FHIT: variants seen among roughly 807,000 people sequenced by gnomAD.
The protein encoded by FHIT is bis(5'-adenosyl)-triphosphatase.
In FHIT, 19 loss-of-function variants were observed where a neutral mutation model predicts 17.9. That is an observed-to-expected ratio of 1.06 (90% CI 0.74 to 1.56). FHIT has a LOEUF of 1.56. Among genes scored for constraint, FHIT ranks in the 40% most tolerant of loss-of-function variants. The pLI, the probability that FHIT is intolerant of heterozygous loss-of-function variation, is 0.00. For synonymous variants in FHIT, 81 were observed against 69.7 expected (o/e 1.16, Z -0.81); for missense variants, 248 against 189.2 (o/e 1.31, Z -1.82).
At chr3:60,039,682 T>C (rs1270484856) in intron 5 of FHIT, among the ~76,000 whole-genome samples, 1 of 152,214 alleles carries the variant, frequency 6.6e-6, no homozygotes, top group South Asian at 2.1e-4. Flanking sequence ...CAAAAAATAG[T>C]CCTATAAAGT....
At chr3:60,996,543 T>G (rs73102302) in intron 3 of FHIT, among the ~76,000 whole-genome samples, 2 of 152,132 alleles carry the variant, frequency 1.3e-5, no homozygotes, top group Admixed American at 1.3e-4. Context: ...AGGAAAATAA[T>G]GTAACAAGCT....
chr3:61,209,990 G>C (rs992750289), intron 1 of FHIT, among the ~76,000 whole-genome samples: 1 of 152,132 alleles, frequency 6.6e-6, no homozygotes, highest in Non-Finnish European at 1.5e-5. Context: ...ATGGGTTTTT[G>C]GTGTGGATGT....
intron 5 of FHIT, among the ~76,000 whole-genome samples, chr3:60,216,087 A>AG (rs1420091058): frequency 6.6e-6 from 1 of 152,188 alleles, no homozygotes; most frequent in African/African-American, 2.4e-5. Flanking sequence ...CAGTGATCAA[A>AG]GGGGGATCAA....
intron 1 of FHIT, among the ~76,000 whole-genome samples, chr3:61,239,400 T>C (rs1000330379): frequency 3.9e-5 from 6 of 152,122 alleles, no homozygotes; most frequent in African/African-American, 1.4e-4. Context: ...GGCCTTGGTA[T>C]AGGCTATTCC....
chr3:60,881,505 A>G (rs1350282704), intron 3 of FHIT, among the ~76,000 whole-genome samples: 14 of 152,192 alleles, frequency 9.2e-5, no homozygotes, highest in Admixed American at 9.2e-4. Context: ...AGCACATGGA[A>G]CATCCTCAAG....
intron 3 of FHIT, among the ~76,000 whole-genome samples, chr3:60,828,369 C>T (rs150584817): frequency 1.6e-4 from 24 of 152,134 alleles, no homozygotes; most frequent in South Asian, 8.3e-4. Flanking sequence ...TTTCCTTCAA[C>T]GCTCATTAAA....
At chr3:61,214,453 G>C (rs4688361) in intron 1 of FHIT, among the ~76,000 whole-genome samples, 65,463 of 151,854 alleles carry the variant, frequency 0.43, 14,503 homozygotes, top group East Asian at 0.58. Flanking sequence ...CAAGACTAAA[G>C]CAGGAAGAAG....
At position 61,232,248 on chromosome 3, in the gene FHIT, A is replaced by G. The variant is rs59252560; in HGVS notation, c.-213+19053T>C. Among the ~76,000 whole-genome samples the G allele has an allele frequency of 1.0e-2, 1,518 of 152,142 alleles. 23 individuals are homozygous for G. The highest frequency in any genetic ancestry group is 0.035 in the African/African-American group (1,448 of 41,518). ...AAAAAAATACAAAAATCATCCAGAC[A>G]CCATGGTGTACACCTGTAATCCCAG... On this transcript the variant is annotated intron_variant, in intron 1 of 9. Transcript: ENST00000492590.
At chr3:59,985,088 T>A (rs1455919723) in intron 7 of FHIT, among the ~76,000 whole-genome samples, 1 of 152,138 alleles carries the variant, frequency 6.6e-6, no homozygotes, top group African/African-American at 2.4e-5. Flanking sequence ...ATCTTCTCTG[T>A]GGTGGCTTGT....
intron 2 of FHIT, among the ~76,000 whole-genome samples, chr3:61,161,358 C>T (rs1441262656): frequency 4.6e-5 from 7 of 152,010 alleles, no homozygotes; most frequent in South Asian, 2.1e-4. Flanking sequence ...CATGCCACCA[C>T]GCCCGGCTCA....
rs9843529 is a variant in FHIT at position 60,339,226 on chromosome 3, T to A, written c.103+197634A>T. 2.9e-3 allele frequency among the ~76,000 whole-genome samples: 445 copies of A among 152,332 alleles called. 3 individuals are homozygous for A. Among genetic ancestry groups the A allele is most frequent in the African/African-American group, 0.01 (425 of 41,564 alleles). On this transcript the variant is annotated intron_variant, in intron 5 of 9. Transcript: ENST00000492590. ...GGATGTCAATTTTTCTTTCCTTTTT[T>A]TTCTTTCTTGATTTGGATCTCAGGA...
chr3:59,854,789 T>A (rs895666468), intron 8 of FHIT, among the ~76,000 whole-genome samples: 5 of 144,844 alleles, frequency 3.5e-5, no homozygotes. Flanking sequence ...TAAATAACTT[T>A]CTCATTAAGT....
intron 2 of FHIT, among the ~76,000 whole-genome samples, chr3:61,171,246 T>C (rs2037995428): frequency 6.6e-6 from 1 of 152,214 alleles, no homozygotes; most frequent in Admixed American, 6.5e-5. Context: ...GCCGCATGTA[T>C]GTCTTCTTTT....
chr3:60,957,314 T>C lies in FHIT; in HGVS notation c.-111+84733A>G, dbSNP rs1709216761. ...GTGCAGTGGCGCGATCTCAGCTCAC[T>C]GCAACCTCCGCCTCCCGGGTTCAAG... On this transcript the variant is annotated intron_variant, in intron 3 of 9. Transcript: ENST00000492590. Among the ~76,000 whole-genome samples, 3 of 144,928 alleles carry C rather than the reference T, an allele frequency of 2.1e-5. No individual in the cohort carries two copies. In the South Asian group the frequency reaches 6.8e-4, roughly 33 times the overall value.
intron 5 of FHIT, among the ~76,000 whole-genome samples, chr3:60,407,091 T>A (rs1701890588): frequency 6.7e-6 from 1 of 148,286 alleles, no homozygotes; most frequent in Non-Finnish European, 1.5e-5. Flanking sequence ...TTTTTTTTTT[T>A]TTTGCTTAAG....
intron 1 of FHIT, among the ~76,000 whole-genome samples, chr3:61,217,063 G>C: frequency 6.6e-6 from 1 of 151,970 alleles, no homozygotes. Flanking sequence ...GTTAATGAGT[G>C]CAGCACACCA....
chr3:60,053,403 T>C (rs1278700451), intron 5 of FHIT, among the ~76,000 whole-genome samples: 1 of 149,258 alleles, frequency 6.7e-6, no homozygotes, highest in African/African-American at 2.5e-5. Context: ...ACATACGAGA[T>C]ACTCAACAAA....
At chr3:59,895,492 T>C (rs1704030029) in intron 8 of FHIT, among the ~76,000 whole-genome samples, 1 of 152,218 alleles carries the variant, frequency 6.6e-6, no homozygotes, top group Admixed American at 6.5e-5. Context: ...AACATGACTT[T>C]GCTTATTTGG....
intron 5 of FHIT, among the ~76,000 whole-genome samples, chr3:60,486,095 T>C (rs1410685759): frequency 1.3e-5 from 2 of 152,104 alleles, no homozygotes; most frequent in Admixed American, 6.6e-5. Context: ...TGCCTATTTC[T>C]ACTAACTAAT....
Sources: allele counts gnomAD v4.1 joint callset (sites outside exome capture counted in the v4.1 genomes callset), GRCh38; gene constraint gnomAD v4.1.1; transcripts MANE v1.5; gene names NCBI Gene and HGNC (gene_info 2026-07-23, HGNC 2026-07-21).